Variants in CA8 observed in about 807,000 individuals in gnomAD.
CA8 encodes the protein carbonic anhydrase 8 (inactive), also known as carbonic anhydrase-related protein.
In CA8, 22 loss-of-function variants were observed where a neutral mutation model predicts 41.4. The ratio of observed to expected loss-of-function variants is 0.53; its 90% CI spans 0.38 to 0.76. The LOEUF is 0.76. CA8 is among the 30% of genes least tolerant of loss of function. The pLI, the probability that CA8 is intolerant of heterozygous loss-of-function variation, is 0.00. For synonymous variants in CA8, 121 were observed against 130.6 expected (o/e 0.93, Z 0.50); for missense variants, 270 against 352.8 (o/e 0.77, Z 1.88).
chr8:60,228,462 T>A (rs1807520161), intron 4 of CA8, among the ~76,000 whole-genome samples: 1 of 152,186 alleles, frequency 6.6e-6, no homozygotes, highest in Admixed American at 6.5e-5. Context: ...CATCTCCTGT[T>A]GGGTTGTAAA....
At chr8:60,262,335 C>CAA (rs11424117) in intron 3 of CA8, among the ~76,000 whole-genome samples, 5,045 of 109,212 alleles carry the variant, frequency 0.046, 311 homozygotes, top group African/African-American at 0.14. Context: ...AGCAAAATGG[C>CAA]AAAAAAAAAA....
At chr8:60,210,909 G>T (rs1230557537) in intron 7 of CA8, among the ~76,000 whole-genome samples, 1 of 152,180 alleles carries the variant, frequency 6.6e-6, no homozygotes, top group East Asian at 1.9e-4. Flanking sequence ...AGACGAAGCT[G>T]CATGAGAATC....
chr8:60,235,492 C>T (rs1264415727), intron 3 of CA8, among the ~76,000 whole-genome samples: 1 of 152,212 alleles, frequency 6.6e-6, no homozygotes, highest in Admixed American at 6.5e-5. Context: ...AGCTATCTCA[C>T]CCTTTGCTTT....
intron 7 of CA8, 132 bp downstream of exon 7, chr8:60,222,517 G>T: frequency 1.4e-6 from 1 of 702,306 alleles, no homozygotes; most frequent in South Asian, 1.5e-5. Context: ...ACTAGTTCAA[G>T]CCATTTAACT....
intron 3 of CA8, among the ~76,000 whole-genome samples, chr8:60,249,035 G>C (rs1238178595): frequency 6.6e-6 from 1 of 152,148 alleles, no homozygotes; most frequent in African/African-American, 2.4e-5. Flanking sequence ...GTGAATGGGA[G>C]TTTATTCAAG....
chr8:60,258,930 G>A (rs764961897), intron 3 of CA8, among the ~76,000 whole-genome samples: 5 of 152,134 alleles, frequency 3.3e-5, no homozygotes, highest in African/African-American at 1.2e-4. Context: ...CCATGGCCCA[G>A]GACTTCAGGA....
At chr8:60,225,362 G>C (rs1190566834) in intron 5 of CA8, among the ~76,000 whole-genome samples, 2 of 151,924 alleles carry the variant, frequency 1.3e-5, no homozygotes, top group Non-Finnish European at 2.9e-5. Context: ...TGACTCCCTG[G>C]GACTATTTCA....
At chr8:60,265,655 T>C (rs970986345) in intron 3 of CA8, 3 of 408,216 alleles carry the variant, frequency 7.3e-6, no homozygotes, top group African/African-American at 4.1e-5. Flanking sequence ...GGCAGAATTT[T>C]TACAAGAATA....
At chr8:60,275,487 T>C (rs564442599) in intron 2 of CA8, among the ~76,000 whole-genome samples, 2 of 151,972 alleles carry the variant, frequency 1.3e-5, no homozygotes, top group Admixed American at 6.5e-5. Context: ...GGTTTTTAAT[T>C]GCAGCGTAAG....
Position 60,281,225 on chromosome 8 carries a change from G to C in CA8, c.-78C>G, listed in dbSNP as rs1804416078. The C allele has an allele frequency of 1.9e-6, 2 of 1,055,632 alleles. No homozygotes were observed. Among genetic ancestry groups the C allele is most frequent in the Admixed American group, 4.0e-5 (2 of 49,788 alleles). The allele number at this position is 1,055,632 out of a possible 1,614,324, so 65.4% of individuals were successfully genotyped here. A position where few individuals can be genotyped will look rare whatever the true frequency, so the allele number is the denominator to read the frequency against. ...CTGGGCGCGGGGCTGGAGCCGGAGCGGAGCGCGCGTGGGGGAGTGTGAGCA... is the reference window on the plus strand; with the variant it reads ...CTGGGCGCGGGGCTGGAGCCGGAGCCGAGCGCGCGTGGGGGAGTGTGAGCA... On this transcript the variant is annotated 5_prime_UTR_variant, in exon 1 of 9. Coordinates refer to ENST00000317995, the MANE Select transcript of CA8 (RefSeq NM_004056.6).
At chr8:60,192,814 T>A (rs1019712597) in intron 8 of CA8, among the ~76,000 whole-genome samples, 6 of 152,130 alleles carry the variant, frequency 3.9e-5, no homozygotes, top group Admixed American at 1.3e-4. Flanking sequence ...AGCTGATTAT[T>A]TTAACACTAG....
intron 7 of CA8, among the ~76,000 whole-genome samples, chr8:60,210,313 G>A (rs534261656): frequency 6.6e-6 from 1 of 152,258 alleles, no homozygotes; most frequent in East Asian, 1.9e-4. Context: ...TATCCACAAA[G>A]ATCCTTAATA....
chr8:60,226,376 C>G (rs1227845317), intron 5 of CA8, among the ~76,000 whole-genome samples: 1 of 152,150 alleles, frequency 6.6e-6, no homozygotes, highest in East Asian at 1.9e-4. Flanking sequence ...TGTTACATGT[C>G]TGAGGCCTTG....
At chr8:60,191,559 T>C (rs1210571348) in intron 8 of CA8, among the ~76,000 whole-genome samples, 1 of 152,138 alleles carries the variant, frequency 6.6e-6, no homozygotes, top group Non-Finnish European at 1.5e-5. Flanking sequence ...AATATGCTGA[T>C]GTGCATTGCA....
chr8:60,209,259 G>C lies in CA8; in HGVS notation c.739-340C>G, dbSNP rs117395199. On this transcript the variant is annotated intron_variant, in intron 7 of 8. Transcript: ENST00000317995. ...CCATCACTTTGGGTGGCCAAGGTGG[G>C]CAGGTCACAAGGTCAAGAGTTCAAC... 1.5e-3 allele frequency among the ~76,000 whole-genome samples: 221 copies of C among 152,314 alleles called. 4 individuals are homozygous for C. The East Asian group carries it at 0.039, about 27-fold the overall frequency.
At chr8:60,231,978 A>C (rs12548662) in intron 4 of CA8, among the ~76,000 whole-genome samples, 54,125 of 151,984 alleles carry the variant, frequency 0.36, 10,072 homozygotes, top group Admixed American at 0.44. Flanking sequence ...GGTCTAAAGA[A>C]ATTTTCTGAA....
rs995059570 is a variant in CA8 at position 60,187,539 on chromosome 8, C to T, written c.*2482G>A. 1 of 152,068 alleles carries T rather than the reference C, an allele frequency of 6.6e-6. No homozygotes were observed. Among genetic ancestry groups the T allele is most frequent in the Admixed American group, 6.6e-5 (1 of 15,262 alleles). The allele number at this position is 152,068 out of a possible 1,614,324, so 9.4% of individuals were successfully genotyped here. The stretch of plus-strand genomic sequence containing the variant: ...AATACAAACACAATAGAGAAAACCC[C>T]AAAATCCACTTTGGCTCCTTGAAAA... On this transcript the variant is annotated 3_prime_UTR_variant, in exon 9 of 9. Coordinates refer to ENST00000317995, the MANE Select transcript of CA8 (RefSeq NM_004056.6).
rs148398644 is a variant in CA8 at position 60,221,399 on chromosome 8, G to A, written c.738+1250C>T. On this transcript the variant is annotated intron_variant, in intron 7 of 8. Coordinates refer to ENST00000317995, the MANE Select transcript of CA8 (RefSeq NM_004056.6). ...TGTGTCCAGTTAGCATTCAGGAAGG[G>A]TTTCTTTTTGTTCTTCATTTTTAAA... 6.5e-4 allele frequency among the ~76,000 whole-genome samples: 99 copies of A among 152,230 alleles called. 1 individual carries two copies. The East Asian group carries it at 0.018, about 27-fold the overall frequency.
At chr8:60,201,044 G>C (rs1481103622) in intron 8 of CA8, among the ~76,000 whole-genome samples, 5 of 152,152 alleles carry the variant, frequency 3.3e-5, no homozygotes, top group Admixed American at 3.3e-4. Context: ...AGATGGCTTT[G>C]AGAGCTATCA....
Sources: gnomAD v4.1 joint callset for allele counts (sites outside exome capture counted in the v4.1 genomes callset) on GRCh38, gnomAD v4.1.1 for gene constraint, MANE v1.5 for transcripts, NCBI Gene and HGNC (gene_info 2026-07-23, HGNC 2026-07-21) for gene names.